The following CDC37L1 variants were observed in gnomAD, a reference collection of about 807,000 sequenced individuals.
CDC37L1 encodes the protein hsp90 co-chaperone Cdc37-like 1.
In CDC37L1, 32 loss-of-function variants were observed where a neutral mutation model predicts 45.9. That is an observed-to-expected ratio of 0.70 (90% CI 0.53 to 0.94). The LOEUF (loss-of-function observed/expected upper bound fraction) is 0.94. Ranked by LOEUF, CDC37L1 falls within the 40% of genes least tolerant of loss-of-function variation. The pLI is 0.00. For synonymous variants in CDC37L1, 150 were observed against 133.0 expected, an observed-to-expected ratio of 1.13 and a Z score of -0.88; for missense variants, 434 against 405.7, an observed-to-expected ratio of 1.07 and a Z score of -0.60.
rs1841441455 is a variant in CDC37L1 at position 4,706,312 on chromosome 9, G to A, written c.*200G>A. 2 of 347,328 alleles carry A rather than the reference G, an allele frequency of 5.8e-6. No individual in the cohort carries two copies. The highest frequency in any genetic ancestry group is 8.4e-5 in the East Asian group (2 of 23,836). 21.5% of individuals were successfully genotyped at this position (347,328 alleles called of 1,614,324 possible). A position where few individuals can be genotyped will look rare whatever the true frequency, so the allele number is the denominator to read the frequency against. On this transcript the variant is annotated 3_prime_UTR_variant, in exon 7 of 7. Coordinates refer to ENST00000381854, the MANE Select transcript of CDC37L1 (RefSeq NM_017913.4). ...TTTGTTTTGTTCTGAAGAGAAGAGT[G>A]GTACCATATGTTGCAGGAAGTCAAA... is the stretch of plus-strand genomic sequence containing the variant.
chr9:4,689,960 C>T (rs1841286083), intron 3 of CDC37L1, among the ~76,000 whole-genome samples: 1 of 152,188 alleles, frequency 6.6e-6, no homozygotes, highest in Admixed American at 6.5e-5. Flanking sequence ...TGCTTTGAAG[C>T]CATGAGAAAC....
At chr9:4,696,568 C>A (rs1841350040) in intron 3 of CDC37L1, among the ~76,000 whole-genome samples, 1 of 152,054 alleles carries the variant, frequency 6.6e-6, no homozygotes, top group African/African-American at 2.4e-5. Context: ...CAACACTTTG[C>A]TGGTTCCGTG....
At chr9:4,695,267 C>T (rs764478692) in intron 3 of CDC37L1, among the ~76,000 whole-genome samples, 5 of 152,160 alleles carry the variant, frequency 3.3e-5, no homozygotes, top group Non-Finnish European at 7.3e-5. Flanking sequence ...TCACTGCAGC[C>T]TCCACCATCT....
At chr9:4,700,948 C>T (rs908988162) in intron 5 of CDC37L1, among the ~76,000 whole-genome samples, 2 of 152,190 alleles carry the variant, frequency 1.3e-5, no homozygotes, top group South Asian at 2.1e-4. Context: ...ATTACATACT[C>T]TGTGTCCACA....
chr9:4,689,816 C>T, intron 3 of CDC37L1, among the ~76,000 whole-genome samples: 1 of 152,314 alleles, frequency 6.6e-6, no homozygotes, highest in Non-Finnish European at 1.5e-5. Flanking sequence ...ACAGTCCTTG[C>T]TTTCTAGGCC....
chr9:4,699,682 G>A (rs965138411), intron 5 of CDC37L1, among the ~76,000 whole-genome samples: 8 of 152,068 alleles, frequency 5.3e-5, no homozygotes, highest in African/African-American at 1.9e-4. Context: ...GAAGACAAAA[G>A]TTACAATAAT....
intron 6 of CDC37L1, among the ~76,000 whole-genome samples, chr9:4,703,605 C>G (rs1841419072): frequency 6.6e-6 from 1 of 152,080 alleles, no homozygotes; most frequent in African/African-American, 2.4e-5. Context: ...TATAAACCTC[C>G]TGCAATTAAA....
Position 4,707,770 on chromosome 9 carries a change from C to G in CDC37L1, c.*1658C>G, listed in dbSNP as rs1841458921. On this transcript the variant is annotated 3_prime_UTR_variant, in exon 7 of 7. Coordinates refer to ENST00000381854, the MANE Select transcript of CDC37L1 (RefSeq NM_017913.4). ...GTTCTGAAGCAAGCTCTTATTTTTC[C>G]CTTTCTACCAAATTGAGAGAATGGG... is the stretch of plus-strand genomic sequence containing the variant. 1 of 151,568 alleles carries G rather than the reference C, an allele frequency of 6.6e-6. No homozygotes were observed. Among genetic ancestry groups the G allele is most frequent in the African/African-American group, 2.4e-5 (1 of 41,262 alleles). 9.4% of individuals were successfully genotyped at this position (151,568 alleles called of 1,614,324 possible).
chr9:4,683,906 A>G (rs1469128487), intron 1 of CDC37L1, among the ~76,000 whole-genome samples: 1 of 152,228 alleles, frequency 6.6e-6, no homozygotes, highest in Non-Finnish European at 1.5e-5. Flanking sequence ...ACAGTACTTT[A>G]CATGTAGTAA....
In CDC37L1 at chr9:4,685,283, A is replaced by G. The variant is rs543930735; in HGVS notation, c.414+125A>G. The G allele has an allele frequency of 3.0e-4, 236 of 782,128 alleles. No individual in the cohort carries two copies. In the African/African-American group the frequency reaches 3.5e-3, roughly 12 times the overall value. The allele number at this position is 782,128 out of a possible 1,614,324, so 48.4% of individuals were successfully genotyped here. On this transcript the variant is annotated intron_variant, in intron 2 of 6. Transcript: ENST00000381854. ...CAGTGTTCAATTTTGACAGTTTATG[A>G]AAGGTGCTTGAAAAGTTTATGAAAG...
chr9:4,706,942 A>G lies in CDC37L1; in HGVS notation c.*830A>G, dbSNP rs924828372. On this transcript the variant is annotated 3_prime_UTR_variant, in exon 7 of 7. Coordinates refer to ENST00000381854, the MANE Select transcript of CDC37L1 (RefSeq NM_017913.4). ...CTTGTAAGAACAAACAGGAATAATAATCTGATTTTTAAATTTGTAGTTATT... is the reference window on the plus strand; with the variant it reads ...CTTGTAAGAACAAACAGGAATAATAGTCTGATTTTTAAATTTGTAGTTATT... 4 of 152,132 alleles carry G rather than the reference A, an allele frequency of 2.6e-5. No homozygotes were observed. The highest frequency in any genetic ancestry group is 6.5e-5 in the Admixed American group (1 of 15,280). The allele number at this position is 152,132 out of a possible 1,614,324, so 9.4% of individuals were successfully genotyped here. A position where few individuals can be genotyped will look rare whatever the true frequency, so the allele number is the denominator to read the frequency against.
intron 1 of CDC37L1, among the ~76,000 whole-genome samples, chr9:4,683,012 TA>T (rs1841211183): frequency 2.1e-5 from 3 of 143,468 alleles, no homozygotes; most frequent in Admixed American, 1.4e-4. Flanking sequence ...ATAATATATA[TA>T]TTAAATATAT....
chr9:4,691,114 A>G (rs1359883349), intron 3 of CDC37L1, among the ~76,000 whole-genome samples: 1 of 152,236 alleles, frequency 6.6e-6, no homozygotes, highest in Non-Finnish European at 1.5e-5. Flanking sequence ...ATGAAAGAAG[A>G]AAGCTTACCA....
At chr9:4,699,560 G>A (rs965582341) in intron 5 of CDC37L1, among the ~76,000 whole-genome samples, 39 of 152,094 alleles carry the variant, frequency 2.6e-4, no homozygotes, top group Admixed American at 2.0e-3. Flanking sequence ...ATCAATGTTC[G>A]TATTTTGTAT....
At chr9:4,699,780 A>G (rs1004930146) in intron 5 of CDC37L1, among the ~76,000 whole-genome samples, 2 of 152,080 alleles carry the variant, frequency 1.3e-5, no homozygotes, top group African/African-American at 4.8e-5. Flanking sequence ...CTATGGGTAA[A>G]TAGTGGGGGT....
intron 6 of CDC37L1, among the ~76,000 whole-genome samples, chr9:4,702,306 A>G (rs1359908783): frequency 6.6e-6 from 1 of 152,222 alleles, no homozygotes; most frequent in Non-Finnish European, 1.5e-5. Flanking sequence ...CATCTCAATC[A>G]TAAACTCTTC....
chr9:4,707,028 A>T lies in CDC37L1; in HGVS notation c.*916A>T, dbSNP rs1392451051. ...TTTATTTTTTGATGTAGCCTTTTAA[A>T]AAAGGAGTCTTAAAAATGATTTTTT... On this transcript the variant is annotated 3_prime_UTR_variant, in exon 7 of 7. Coordinates refer to ENST00000381854, the MANE Select transcript of CDC37L1 (RefSeq NM_017913.4). 1 of 143,180 alleles carries T rather than the reference A, an allele frequency of 7.0e-6. No individual in the cohort carries two copies. The highest frequency in any genetic ancestry group is 1.5e-5 in the Non-Finnish European group (1 of 66,708). The allele number at this position is 143,180 out of a possible 1,614,324, so 8.9% of individuals were successfully genotyped here.
intron 2 of CDC37L1, among the ~76,000 whole-genome samples, chr9:4,687,707 G>A (rs1050213565): frequency 4.3e-4 from 58 of 135,252 alleles, no homozygotes; most frequent in African/African-American, 1.5e-3. Flanking sequence ...AAAAAGACAC[G>A]CAACAACAAC....
At chr9:4,692,512 C>T (rs1461871740) in intron 3 of CDC37L1, among the ~76,000 whole-genome samples, 2 of 152,064 alleles carry the variant, frequency 1.3e-5, no homozygotes, top group African/African-American at 4.8e-5. Context: ...TCAAATGATC[C>T]GCCCGCCTCG....
Sources: allele counts gnomAD v4.1 joint callset (sites outside exome capture counted in the v4.1 genomes callset), GRCh38; gene constraint gnomAD v4.1.1; transcripts MANE v1.5; gene names NCBI Gene and HGNC (gene_info 2026-07-23, HGNC 2026-07-21).